The following SLC25A43 variants were observed in gnomAD, a reference collection of about 807,000 sequenced individuals.
The protein encoded by SLC25A43 is solute carrier family 25, member 43.
In SLC25A43, 10 loss-of-function variants were observed where a neutral mutation model predicts 22.8. The observed-to-expected ratio is 0.44, with a 90% CI of 0.27 to 0.74. The LOEUF is 0.74. SLC25A43 is among the 30% of genes least tolerant of loss of function. The probability of loss-of-function intolerance (pLI) is 0.17; values close to 1 mark genes in which losing one functional copy is unlikely to be tolerated. For synonymous variants in SLC25A43, 106 were observed against 121.6 expected, an observed-to-expected ratio of 0.87 and a Z score of 0.84; for missense variants, 233 against 279.1, an observed-to-expected ratio of 0.83 and a Z score of 1.18.
chrX:119,399,731 G>T (rs920483055), intron 1 of SLC25A43, 53 bp downstream of exon 1: 24 of 980,928 alleles, frequency 2.4e-5, no homozygotes, highest in Non-Finnish European at 1.2e-5. Flanking sequence ...GGTGGGGTGG[G>T]GGAGCCGCGG....
At chrX:119,452,289 C>T in intron 4 of SLC25A43, 146 bp downstream of exon 4, 1 of 649,342 alleles carries the variant, frequency 1.5e-6, no homozygotes, top group Non-Finnish European at 2.3e-6. Flanking sequence ...TGCACACTGT[C>T]TGTCAGCCCC....
At chrX:119,425,514 G>C (rs763744918) in intron 3 of SLC25A43, among the ~76,000 whole-genome samples, 1 of 109,725 alleles carries the variant, frequency 9.1e-6, no homozygotes, top group Admixed American at 9.8e-5. Context: ...GAGAGGAGTG[G>C]AGCCTTACCT....
chrX:119,434,122 A>G (rs1327162534), intron 3 of SLC25A43, among the ~76,000 whole-genome samples: 1 of 110,780 alleles, frequency 9.0e-6, no homozygotes, highest in Non-Finnish European at 1.9e-5. Context: ...GTTTGGAGCC[A>G]CTGGAACTTG....
intron 1 of SLC25A43, among the ~76,000 whole-genome samples, chrX:119,402,039 T>G (rs190497485): frequency 1.8e-5 from 2 of 111,964 alleles, no homozygotes; most frequent in African/African-American, 6.5e-5. Flanking sequence ...CAAGGCATAG[T>G]TGGAAAGCAA....
At position 119,452,101 on chromosome X, in the gene SLC25A43, G is replaced by A; in HGVS notation, c.783G>A (p.Gly261=). 1 of 1,206,298 alleles carries A rather than the reference G, an allele frequency of 8.3e-7. No individual in the cohort carries two copies. The highest frequency in any genetic ancestry group is 1.1e-6 in the Non-Finnish European group (1 of 893,232). The part of the protein sequence containing the change: ...DCFRQIVKAQ[G]VLGLWNGLTA... ...TCCGGCAGATAGTGAAGGCCCAGGG[G>A]GTCCTGGGGCTCTGGAATGGATTGA... Residue 261 remains glycine, a synonymous_variant, in exon 4 of 5, where the codon GGG becomes GGA. Coordinates refer to ENST00000217909, the MANE Select transcript of SLC25A43 (RefSeq NM_145305.3).
intron 3 of SLC25A43, among the ~76,000 whole-genome samples, chrX:119,435,457 C>CTTTTT (rs1175233726): frequency 3.5e-3 from 190 of 54,530 alleles, no homozygotes; most frequent in East Asian, 4.3e-3. Flanking sequence ...AGATTTTATT[C>CTTTTT]TTTTTTTTTT....
At chrX:119,413,622 C>T (rs2052370243) in intron 3 of SLC25A43, among the ~76,000 whole-genome samples, 2 of 107,756 alleles carry the variant, frequency 1.9e-5, no homozygotes, top group African/African-American at 6.8e-5. Context: ...TAAGAGAATC[C>T]CCTGAACCTG....
At chrX:119,443,653 C>T (rs2052641302) in intron 3 of SLC25A43, among the ~76,000 whole-genome samples, 1 of 110,689 alleles carries the variant, frequency 9.0e-6, no homozygotes, top group Non-Finnish European at 1.9e-5. Flanking sequence ...TCTGTGTTTG[C>T]TTGTCACTGC....
Position 119,452,206 on chromosome X carries a change from T to C in SLC25A43, c.825+63T>C, listed in dbSNP as rs1421642838. On this transcript the variant is annotated intron_variant, in intron 4 of 4. Coordinates refer to ENST00000217909, the MANE Select transcript of SLC25A43 (RefSeq NM_145305.3). ...CTTCCAATTCTACCCTCTTCCTTTG[T>C]CACCCCCAACCCCTACTACAGTTTG... is the stretch of plus-strand genomic sequence containing the variant. 1.1e-5 allele frequency: 12 copies of C among 1,132,721 alleles called. No individual in the cohort carries two copies. In the African/African-American group the frequency reaches 2.2e-4, roughly 21 times the overall value. The allele number at this position is 1,132,721 out of a possible 1,213,427, so 93.3% of individuals were successfully genotyped here.
intron 4 of SLC25A43, among the ~76,000 whole-genome samples, chrX:119,452,416 C>G (rs2052713193): frequency 1.8e-5 from 2 of 109,366 alleles, no homozygotes; most frequent in Admixed American, 9.8e-5. Flanking sequence ...GGGAACCTAA[C>G]CCCTCATCCT....
intron 3 of SLC25A43, among the ~76,000 whole-genome samples, chrX:119,451,170 AAAT>A (rs903160787): frequency 5.4e-5 from 6 of 111,351 alleles, no homozygotes; most frequent in Non-Finnish European, 9.4e-5. Context: ...GTCGCAAAAA[AAAT>A]AATAATATTA....
At chrX:119,405,359 C>T (rs2052281557) in intron 1 of SLC25A43, among the ~76,000 whole-genome samples, 1 of 109,569 alleles carries the variant, frequency 9.1e-6, no homozygotes, top group Non-Finnish European at 1.9e-5. Context: ...TGAATGCCCA[C>T]TCTTATTTCT....
At chrX:119,449,136 G>A (rs1465349560) in intron 3 of SLC25A43, among the ~76,000 whole-genome samples, 3 of 110,709 alleles carry the variant, frequency 2.7e-5, no homozygotes, top group Admixed American at 9.7e-5. Context: ...GAATGAGGCC[G>A]GGCACGGTGG....
chrX:119,422,072 C>T (rs1031994644), intron 3 of SLC25A43, among the ~76,000 whole-genome samples: 1 of 111,100 alleles, frequency 9.0e-6, no homozygotes, highest in South Asian at 3.8e-4. Flanking sequence ...TGCACTACCA[C>T]ACCCAGCTAA....
intron 3 of SLC25A43, among the ~76,000 whole-genome samples, chrX:119,420,446 C>T (rs745404743): frequency 9.0e-6 from 1 of 110,678 alleles, no homozygotes; most frequent in African/African-American, 3.3e-5. Context: ...CACAGGCATG[C>T]GCCACCTATG....
intron 3 of SLC25A43, among the ~76,000 whole-genome samples, chrX:119,412,623 G>A (rs1025351760): frequency 6.3e-5 from 7 of 111,781 alleles, no homozygotes; most frequent in African/African-American, 1.9e-4. Flanking sequence ...AGATCCACCC[G>A]CCTCAGCCTC....
chrX:119,413,310 C>T (rs981671180), intron 3 of SLC25A43, among the ~76,000 whole-genome samples: 4 of 111,423 alleles, frequency 3.6e-5, no homozygotes, highest in Non-Finnish European at 7.5e-5. Flanking sequence ...AATAGTTTTC[C>T]TTCTATGGAC....
intron 3 of SLC25A43, among the ~76,000 whole-genome samples, chrX:119,415,385 T>C (rs1209223542): frequency 1.8e-5 from 2 of 110,755 alleles, no homozygotes; most frequent in Non-Finnish European, 3.8e-5. Flanking sequence ...CACTTAACAT[T>C]TTAATACATT....
intron 3 of SLC25A43, among the ~76,000 whole-genome samples, chrX:119,426,714 T>A (rs57206422): frequency 5.5e-5 from 6 of 108,424 alleles, no homozygotes; most frequent in Non-Finnish European, 1.1e-4. Context: ...TCCCAGCTAC[T>A]CAATAGGCTG....
Sources: gnomAD v4.1 joint callset for allele counts (sites outside exome capture counted in the v4.1 genomes callset) on GRCh38, gnomAD v4.1.1 for gene constraint, MANE v1.5 for transcripts, NCBI Gene and HGNC (gene_info 2026-07-23, HGNC 2026-07-21) for gene names.